LOC128092252: variants seen among roughly 807,000 people sequenced by gnomAD.
chr15:50,681,260 T>C, the LOC128092252 span, among the ~76,000 whole-genome samples: 2 of 79,220 alleles, frequency 2.5e-5, no homozygotes, highest in South Asian at 9.2e-4. Flanking sequence ...CAAAAATAAA[T>C]AAATACACAC....
the LOC128092252 span, among the ~76,000 whole-genome samples, chr15:50,678,250 A>AC: frequency 1.6e-5 from 2 of 125,650 alleles, 1 homozygote. Flanking sequence ...AAAAAAAAAA[A>AC]ACAAAAACAA....
the LOC128092252 span, among the ~76,000 whole-genome samples, chr15:50,684,297 G>C: frequency 6.6e-6 from 1 of 151,610 alleles, no homozygotes; most frequent in Admixed American, 6.6e-5. Context: ...GGATTACCAC[G>C]CCCGATTACT....
the LOC128092252 span, among the ~76,000 whole-genome samples, chr15:50,684,041 G>A: frequency 6.6e-6 from 1 of 151,922 alleles, no homozygotes; most frequent in African/African-American, 2.4e-5. Context: ...TAGTAGAGAC[G>A]GGGTTTCACC....
the LOC128092252 span, among the ~76,000 whole-genome samples, chr15:50,654,618 A>G: frequency 0.34 from 51,210 of 151,186 alleles, 11,418 homozygotes; most frequent in Admixed American, 0.48. Flanking sequence ...GAGAGTGCAC[A>G]TGGTGCATCT....
At chr15:50,672,815 C>G in the LOC128092252 span, among the ~76,000 whole-genome samples, 5,822 of 134,328 alleles carry the variant, frequency 0.043, 168 homozygotes, top group African/African-American at 0.075. Context: ...GAGGCTGAGG[C>G]AGGAGAATCG....
the LOC128092252 span, among the ~76,000 whole-genome samples, chr15:50,665,376 A>G: frequency 6.7e-6 from 1 of 149,350 alleles, no homozygotes; most frequent in Non-Finnish European, 1.5e-5. Flanking sequence ...CCTGGGTGAA[A>G]AGAGTAAAAC....
chr15:50,686,379 G>T, the LOC128092252 span: 8 of 1,308,440 alleles, frequency 6.1e-6, no homozygotes, highest in Middle Eastern at 1.8e-4. Context: ...CTGCACACCC[G>T]TCCCGAGAGG....
the LOC128092252 span, among the ~76,000 whole-genome samples, chr15:50,680,406 A>G: frequency 3.3e-5 from 5 of 151,880 alleles, no homozygotes; most frequent in Non-Finnish European, 5.9e-5. Flanking sequence ...AAAAATAAAA[A>G]TAAAAACACA....
chr15:50,672,459 T>C, the LOC128092252 span, among the ~76,000 whole-genome samples: 1 of 152,114 alleles, frequency 6.6e-6, no homozygotes, highest in African/African-American at 2.4e-5. Context: ...ACTCCATTCA[T>C]GTTATTGTCC....
chr15:50,655,337 G>A, the LOC128092252 span, among the ~76,000 whole-genome samples: 1 of 151,262 alleles, frequency 6.6e-6, no homozygotes, highest in South Asian at 2.1e-4. Context: ...GATGGCTGAG[G>A]CAGGAGAATT....
At chr15:50,652,378 G>C in the LOC128092252 span, among the ~76,000 whole-genome samples, 1 of 108,362 alleles carries the variant, frequency 9.2e-6, no homozygotes, top group Non-Finnish European at 2.0e-5. Context: ...ACAGAAAAGA[G>C]AAAAATCGTG....
the LOC128092252 span, among the ~76,000 whole-genome samples, chr15:50,673,121 A>T: frequency 7.9e-3 from 1,202 of 151,844 alleles, 20 homozygotes; most frequent in African/African-American, 0.028. Context: ...CTAGGTGTAC[A>T]GTGTTTATCA....
At chr15:50,664,308 CAAAAAAAAA>C in the LOC128092252 span, among the ~76,000 whole-genome samples, 1 of 58,926 alleles carries the variant, frequency 1.7e-5, no homozygotes. Context: ...GACTCCGTCT[CAAAAAAAAA>C]AAAAAAAAAA....
At chr15:50,650,700 A>C in the LOC128092252 span, among the ~76,000 whole-genome samples, 1 of 145,610 alleles carries the variant, frequency 6.9e-6, no homozygotes, top group African/African-American at 2.6e-5. Flanking sequence ...GTCTCAAAAA[A>C]AACAAAAAAA....
the LOC128092252 span, chr15:50,662,840 G>T: frequency 1.4e-6 from 1 of 737,340 alleles, no homozygotes. Flanking sequence ...ATGATTAACA[G>T]TAATTATAAA....
At chr15:50,660,138 G>A in the LOC128092252 span, among the ~76,000 whole-genome samples, 4 of 152,044 alleles carry the variant, frequency 2.6e-5, no homozygotes, top group Non-Finnish European at 4.4e-5. Flanking sequence ...AATGTGATAC[G>A]ATGTTGTAAT....
the LOC128092252 span, among the ~76,000 whole-genome samples, chr15:50,654,678 C>T: frequency 6.6e-6 from 1 of 151,134 alleles, no homozygotes; most frequent in Non-Finnish European, 1.5e-5. Context: ...AATCCTAGCA[C>T]TGAAAAATGT....
chr15:50,685,960 T>C, the LOC128092252 span, among the ~76,000 whole-genome samples: 3 of 152,174 alleles, frequency 2.0e-5, no homozygotes, highest in Non-Finnish European at 4.4e-5. Flanking sequence ...ACCATCAATA[T>C]TGTCAAATCC....
the LOC128092252 span, chr15:50,686,505 C>A: frequency 6.2e-7 from 1 of 1,613,980 alleles, no homozygotes; most frequent in Non-Finnish European, 8.5e-7. Flanking sequence ...AACCATTCCC[C>A]GCCCGGGCCT....
Sources: gnomAD v4.1 joint callset for allele counts (sites outside exome capture counted in the v4.1 genomes callset) on GRCh38, gnomAD v4.1.1 for gene constraint, MANE v1.5 for transcripts.